The following NPEPPS variants were observed in gnomAD, a reference collection of about 807,000 sequenced individuals.
NPEPPS encodes aminopeptidase puromycin sensitive.
A neutral mutation model predicts 115.5 loss-of-function variants in NPEPPS; 14 were observed. The ratio of observed to expected loss-of-function variants is 0.12; its 90% CI spans 0.08 to 0.19. NPEPPS has a LOEUF of 0.19. NPEPPS is among the 10% of genes least tolerant of loss of function. The pLI is 1.00. For synonymous variants in NPEPPS, 285 were observed against 390.6 expected (o/e 0.73, Z 3.19); for missense variants, 523 against 1,110.8 (o/e 0.47, Z 7.52).
chr17:47,619,644 T>C (rs1207297720), intron 21 of NPEPPS, 93 bp from the exon 22 acceptor site: 1 of 1,001,846 alleles, frequency 1.0e-6, no homozygotes, highest in African/African-American at 1.6e-5. Context: ...AGACTGAAGT[T>C]GGCAGAGAAC....
In NPEPPS at chr17:47,540,257, C is replaced by T. The variant is rs1223610321; in HGVS notation, c.256-5652C>T. Among the ~76,000 whole-genome samples the T allele has an allele frequency of 3.9e-5, 6 of 151,914 alleles. No homozygotes were observed. In the South Asian group the frequency reaches 6.3e-4, roughly 16 times the overall value. On this transcript the variant is annotated intron_variant, in intron 1 of 22. Transcript: ENST00000322157. ...AAGCAAGGATACACTAACATTCTAT[C>T]CTTTAATAACATCAAGTAGAAAAAT...
At chr17:47,556,736 G>A (rs904469082) in intron 2 of NPEPPS, among the ~76,000 whole-genome samples, 1 of 152,128 alleles carries the variant, frequency 6.6e-6, no homozygotes, top group Non-Finnish European at 1.5e-5. Context: ...CCGGGACGGG[G>A]CGGCTCAAGC....
At chr17:47,553,043 A>T (rs1909758036) in intron 2 of NPEPPS, among the ~76,000 whole-genome samples, 1 of 152,022 alleles carries the variant, frequency 6.6e-6, no homozygotes, top group South Asian at 2.1e-4. Context: ...TGTTTGTGTC[A>T]TGTCTGTACT....
chr17:47,609,793 A>G (rs1913730346), intron 17 of NPEPPS, among the ~76,000 whole-genome samples: 1 of 152,080 alleles, frequency 6.6e-6, no homozygotes, highest in African/African-American at 2.4e-5. Flanking sequence ...TATCTCTTCT[A>G]TTTTATATAC....
chr17:47,594,014 G>A (rs1229679560), intron 12 of NPEPPS, among the ~76,000 whole-genome samples: 2 of 152,114 alleles, frequency 1.3e-5, no homozygotes, highest in African/African-American at 2.4e-5. Context: ...AATTAGCTGG[G>A]TGTGGTGGCA....
At chr17:47,610,960 TC>T in intron 17 of NPEPPS, among the ~76,000 whole-genome samples, 1 of 149,828 alleles carries the variant, frequency 6.7e-6, no homozygotes, top group Middle Eastern at 3.4e-3. Context: ...TTCAAGTGAT[TC>T]CCCTGCCTCA....
upstream of NPEPPS, among the ~76,000 whole-genome samples, chr17:47,526,275 A>G (rs1250810069): frequency 6.6e-6 from 1 of 152,190 alleles, no homozygotes; most frequent in African/African-American, 2.4e-5. Flanking sequence ...AACAAGTACA[A>G]ATAAATCAGC....
chr17:47,599,820 A>AT, intron 14 of NPEPPS, 81 bp downstream of exon 14: 1 of 1,224,496 alleles, frequency 8.2e-7, no homozygotes, highest in South Asian at 1.4e-5. Flanking sequence ...CTAATAGGAA[A>AT]TTTTTCTTTT....
chr17:47,573,251 G>T lies in NPEPPS; in HGVS notation c.418+3757G>T, dbSNP rs1362393292. On this transcript the variant is annotated intron_variant, in intron 3 of 22. Coordinates refer to ENST00000322157, the MANE Select transcript of NPEPPS (RefSeq NM_006310.4). ...TAAAACTCCCAGAAAGTTCCTGTCT[G>T]GGGTAGGGGGCAATAGGAGGGAAGG... 2.6e-5 allele frequency among the ~76,000 whole-genome samples: 4 copies of T among 152,144 alleles called. No homozygotes were observed. The East Asian group carries it at 7.7e-4, about 29-fold the overall frequency.
chr17:47,621,379 A>G (rs1914562206), intron 22 of NPEPPS, among the ~76,000 whole-genome samples: 1 of 151,996 alleles, frequency 6.6e-6, no homozygotes. Context: ...TGGAGTAGAT[A>G]TTTTCTCATA....
At chr17:47,570,649 A>C (rs2663754) in intron 3 of NPEPPS, among the ~76,000 whole-genome samples, 1 of 152,260 alleles carries the variant, frequency 6.6e-6, no homozygotes, top group African/African-American at 2.4e-5. Flanking sequence ...AATTATATAC[A>C]AATCAATTGG....
chr17:47,546,042 G>GA (rs763174003), intron 2 of NPEPPS, 49 bp downstream of exon 2: 1 of 1,439,950 alleles, frequency 6.9e-7, no homozygotes, highest in Non-Finnish European at 9.1e-7. Flanking sequence ...TGCATATGTG[G>GA]GGTGTGTGTG....
At chr17:47,612,630 C>T (rs1429257043) in intron 18 of NPEPPS, 28 bp downstream of exon 18, 24 of 1,550,598 alleles carry the variant, frequency 1.5e-5, no homozygotes, top group East Asian at 2.3e-5. Flanking sequence ...ATTCCCTTGA[C>T]TTATAGGTAA....
At chr17:47,619,637 CTG>C (rs1348950961) in intron 21 of NPEPPS, 98 bp from the exon 22 acceptor site, 2 of 940,032 alleles carry the variant, frequency 2.1e-6, no homozygotes, top group Non-Finnish European at 3.5e-6. Context: ...TTATAACAGA[CTG>C]AAGTTGGCAG....
At chr17:47,616,039 C>T (rs1164444163) in intron 19 of NPEPPS, among the ~76,000 whole-genome samples, 1 of 152,098 alleles carries the variant, frequency 6.6e-6, no homozygotes, top group African/African-American at 2.4e-5. Context: ...TAACAGTTCT[C>T]TATGGAGGAA....
intron 2 of NPEPPS, among the ~76,000 whole-genome samples, chr17:47,550,391 A>G (rs1597826875): frequency 1.4e-5 from 2 of 147,200 alleles, no homozygotes; most frequent in East Asian, 3.9e-4. Flanking sequence ...ACAGTGGCGC[A>G]ATGTCGGCTC....
chr17:47,545,804 C>A lies in NPEPPS; in HGVS notation c.256-105C>A, dbSNP rs1480340313. ...TCAAGCGATCCTCTTTGCTTGGCCT[C>A]CCAAAGTGCTGGGATTACAGGTGTG... On this transcript the variant is annotated intron_variant, in intron 1 of 22. Coordinates refer to ENST00000322157, the MANE Select transcript of NPEPPS (RefSeq NM_006310.4). The A allele has an allele frequency of 1.0e-5, 15 of 1,477,762 alleles. No individual in the cohort carries two copies. The Admixed American group carries it at 2.8e-4, about 27-fold the overall frequency. The allele number at this position is 1,477,762 out of a possible 1,614,324, so 91.5% of individuals were successfully genotyped here.
chr17:47,607,006 A>C (rs1913557640), intron 17 of NPEPPS, among the ~76,000 whole-genome samples: 1 of 151,986 alleles, frequency 6.6e-6, no homozygotes, highest in Non-Finnish European at 1.5e-5. Context: ...CAGCCTGGCC[A>C]AGATGGTGAA....
intron 19 of NPEPPS, among the ~76,000 whole-genome samples, chr17:47,615,775 T>C (rs756065099): frequency 1.3e-5 from 2 of 152,204 alleles, no homozygotes; most frequent in Non-Finnish European, 2.9e-5. Context: ...CATGGCACTT[T>C]TAAGATTTTC....
Sources: allele counts gnomAD v4.1 joint callset (sites outside exome capture counted in the v4.1 genomes callset), GRCh38; gene constraint gnomAD v4.1.1; transcripts MANE v1.5; gene names NCBI Gene and HGNC (gene_info 2026-07-23, HGNC 2026-07-21).